Variants in SRCIN1 observed in about 807,000 individuals in gnomAD.
SRCIN1 encodes P130Cas-associated protein.
A neutral mutation model predicts 116.2 loss-of-function variants in SRCIN1; 50 were observed. That is an observed-to-expected ratio of 0.43 (90% CI 0.34 to 0.54). SRCIN1 has a LOEUF of 0.54. Among genes scored for constraint, SRCIN1 ranks in the 20% least tolerant of loss-of-function variants. The pLI, the probability that SRCIN1 is intolerant of heterozygous loss-of-function variation, is 0.02. For synonymous variants in SRCIN1, 736 were observed against 750.0 expected (o/e 0.98, Z 0.30); for missense variants, 1,446 against 1,672.0 (o/e 0.86, Z 2.36).
chr17:38,539,957 G>A (rs1904623049), intron 18 of SRCIN1, among the ~76,000 whole-genome samples: 1 of 144,948 alleles, frequency 6.9e-6, no homozygotes, highest in African/African-American at 2.6e-5. Context: ...GGAGGCAGAG[G>A]TTGCCGTGAG....
rs1184556611 is a variant in SRCIN1 at position 38,533,338 on chromosome 17, A to G, written c.3511T>C (p.Leu1171=). The change falls in exon 19 of 19, where the codon TTG becomes CTG. Residue 1171 remains leucine (L), a synonymous_variant. Coordinates refer to ENST00000617146, the MANE Select transcript of SRCIN1 (RefSeq NM_025248.3). ...GAATTCCTTGCCCCAAAGGAAGTCA[A>G]TACAGGGATAGAGGTTCTGGAAGCC... ...PSASRTSIPV[L]TSFGARNSSI... The G allele has an allele frequency of 6.3e-7, 1 of 1,598,752 alleles. No individual in the cohort carries two copies. Among genetic ancestry groups the G allele is most frequent in the Admixed American group, 1.7e-5 (1 of 57,282 alleles).
intron 1 of SRCIN1, among the ~76,000 whole-genome samples, chr17:38,603,587 C>T (rs1474597412): frequency 2.0e-5 from 3 of 152,070 alleles, no homozygotes; most frequent in African/African-American, 4.8e-5. Flanking sequence ...AACCAGCCAT[C>T]GTGGAAAGGG....
At chr17:38,603,600 G>A (rs1283348637) in intron 1 of SRCIN1, among the ~76,000 whole-genome samples, 1 of 152,156 alleles carries the variant, frequency 6.6e-6, no homozygotes, top group Non-Finnish European at 1.5e-5. Flanking sequence ...GGAAAGGGCA[G>A]AAGAAGCAGG....
intron 16 of SRCIN1, 39 bp from the exon 17 acceptor site, chr17:38,548,748 C>T (rs1905215205): frequency 6.5e-7 from 1 of 1,527,312 alleles, no homozygotes; most frequent in South Asian, 1.3e-5. Flanking sequence ...CAGGCTCTGC[C>T]CCACTTCAGC....
chr17:38,582,935 G>T (rs1319724664), intron 1 of SRCIN1, among the ~76,000 whole-genome samples: 1 of 151,884 alleles, frequency 6.6e-6, no homozygotes, highest in East Asian at 1.9e-4. Context: ...CAGCCTCCTG[G>T]GGGGGCTCTG....
chr17:38,561,781 A>G lies in SRCIN1; in HGVS notation c.1382T>C (p.Leu461Pro), dbSNP rs1439826162. Residue 461 changes from leucine (L) to proline (P), a missense_variant, in exon 7 of 19, where the codon CTG becomes CCG. This residue lies in a region of SRCIN1 where 398 missense variants were observed against 385.6 expected (regional missense o/e 1.03). Coordinates refer to ENST00000617146, the MANE Select transcript of SRCIN1 (RefSeq NM_025248.3). ...LYKAAGGGGP[L>P]YGDGYGFRLP... ...GCGGAAGCCGTAGCCGTCGCCGTAC[A>G]GCGGGCCGCCGCCGCCCGCCGCCTT... 9 of 1,489,144 alleles carry G rather than the reference A, an allele frequency of 6.0e-6. No homozygotes were observed. In the East Asian group the frequency reaches 2.4e-4, roughly 39 times the overall value. The allele number at this position is 1,489,144 out of a possible 1,614,324, so 92.2% of individuals were successfully genotyped here.
chr17:38,533,207 AGGGTG>A lies in SRCIN1; in HGVS notation c.*85_*89del. ...ACACCCCTCAGGGCGTCTGGAGAGT[AGGGTG>A]GGGTGGGGTGGAGATGAAGGAAGAG... On this transcript the variant is annotated 3_prime_UTR_variant, in exon 19 of 19. Coordinates refer to ENST00000617146, the MANE Select transcript of SRCIN1 (RefSeq NM_025248.3). The A allele has an allele frequency of 6.6e-6, 9 of 1,366,588 alleles. No homozygotes were observed. In the South Asian group the frequency reaches 1.3e-4, roughly 20 times the overall value. 84.7% of individuals were successfully genotyped at this position (1,366,588 alleles called of 1,614,324 possible).
chr17:38,546,497 G>T (rs1397303976), intron 17 of SRCIN1: 1 of 152,326 alleles, frequency 6.6e-6, no homozygotes, highest in Non-Finnish European at 1.5e-5. Flanking sequence ...AGGCAGAGAG[G>T]GCAACCTCAC....
rs1020033642 is a variant in SRCIN1, at chr17:38,558,334, C to T, written c.2094G>A (p.Ser698=). 6.2e-7 allele frequency: 1 copy of T among 1,609,884 alleles called. No homozygotes were observed. The highest frequency in any genetic ancestry group is 8.5e-7 in the Non-Finnish European group (1 of 1,179,514). The change falls in exon 11 of 19, where the codon TCG becomes TCA. Residue 698 remains serine (S), a synonymous_variant. Transcript: ENST00000617146. The surrounding 1 kb of genome is among the most constrained non-coding windows in gnomAD (Gnocchi z 4.6). ...RTEAELSMRV[S]EAARRQEDPL... ...GGTCCTCCTGCCGCCGCGCCGCCTC[C>T]GACACGCGCATGCTCAGCTCTGCCT...
At chr17:38,550,978 C>A (rs932966105) in intron 15 of SRCIN1, among the ~76,000 whole-genome samples, 177 bp downstream of exon 15, 1 of 152,244 alleles carries the variant, frequency 6.6e-6, no homozygotes, top group Non-Finnish European at 1.5e-5. Context: ...GTCCAGCTTG[C>A]CCTGTCCTTC....
At chr17:38,584,581 T>C (rs757434773) in intron 1 of SRCIN1, among the ~76,000 whole-genome samples, 6 of 152,172 alleles carry the variant, frequency 3.9e-5, no homozygotes, top group Non-Finnish European at 8.8e-5. Flanking sequence ...AAGAGTGACG[T>C]TGTCATTTGT....
chr17:38,548,462 A>G, intron 17 of SRCIN1, 95 bp downstream of exon 17: 5 of 1,496,068 alleles, frequency 3.3e-6, no homozygotes, highest in Non-Finnish European at 4.6e-6. Flanking sequence ...CCGAGAGCCC[A>G]TCTTCTGCCT....
At chr17:38,590,751 G>T (rs1477537189) in intron 1 of SRCIN1, among the ~76,000 whole-genome samples, 1 of 143,642 alleles carries the variant, frequency 7.0e-6, no homozygotes, top group Non-Finnish European at 1.5e-5. Flanking sequence ...TAGCCCATTA[G>T]CCCATGTCCT....
rs1191528059 is a variant in SRCIN1 at position 38,564,230 on chromosome 17, C to A, written c.429G>T (p.Ser143=). 1.3e-6 allele frequency: 2 copies of A among 1,580,542 alleles called. No homozygotes were observed. The highest frequency in any genetic ancestry group is 1.7e-6 in the Non-Finnish European group (2 of 1,164,774). ...AAKLSYASAE[S]LETMSEAELP... ...GCTCGGCCTCCGACATGGTCTCCAG[C>A]GACTCGGCGGAGGCGTAGGACAGCT... Residue 143 remains serine, a synonymous_variant, in exon 4 of 19, where the codon TCG becomes TCT. Transcript: ENST00000617146.
chr17:38,599,137 G>A (rs1163278360), intron 1 of SRCIN1, among the ~76,000 whole-genome samples: 1 of 152,014 alleles, frequency 6.6e-6, no homozygotes, highest in Non-Finnish European at 1.5e-5. Context: ...CAAGGGAGAG[G>A]AGGTAGAGAG....
chr17:38,564,097 G>A lies in SRCIN1; in HGVS notation c.541+21C>T, dbSNP rs1181290220. On this transcript the variant is annotated intron_variant, in intron 4 of 18. Transcript: ENST00000617146. ...GGGAGGAGCCTGTGTGGGGAGGGAG[G>A]GTGGACTGGGCGGGCAGTACCTGGG... 5.7e-6 allele frequency: 9 copies of A among 1,584,904 alleles called. 1 individual carries two copies. The South Asian group carries it at 1.0e-4, about 18-fold the overall frequency.
Position 38,558,299 on chromosome 17 carries a change from C to T in SRCIN1, c.2129G>A (p.Arg710Gln). Residue 710 changes from arginine (R) to glutamine (Q), a missense_variant, in exon 11 of 19, where the codon CGG (arginine) becomes CAG (glutamine). Arg to Gln is a conservative substitution (Grantham distance 43). This residue lies in a region of SRCIN1 where 398 missense variants were observed against 385.6 expected (regional missense o/e 1.03). Transcript: ENST00000617146. The surrounding 1 kb of genome is among the most constrained non-coding windows in gnomAD (Gnocchi z 4.6). ...AARRQEDPLQ[R>Q]QRTLVEEERL... is the part of the protein sequence containing the mutation. ...TTCCTCTTCCACCAGGGTGCGCTGCCGCTGCAGCGGGTCCTCCTGCCGCCG... is the reference window on the plus strand; with the variant it reads ...TTCCTCTTCCACCAGGGTGCGCTGCTGCTGCAGCGGGTCCTCCTGCCGCCG... 3 of 1,611,960 alleles carry T rather than the reference C, an allele frequency of 1.9e-6. No individual in the cohort carries two copies. The highest frequency in any genetic ancestry group is 2.5e-6 in the Non-Finnish European group (3 of 1,179,648).
chr17:38,538,139 G>A (rs1405588260), intron 18 of SRCIN1, among the ~76,000 whole-genome samples: 1 of 148,992 alleles, frequency 6.7e-6, no homozygotes, highest in Non-Finnish European at 1.5e-5. Flanking sequence ...AAATAAAATA[G>A]GCCGGGTGTG....
At chr17:38,535,977 G>A (rs1904355701) in intron 18 of SRCIN1, among the ~76,000 whole-genome samples, 1 of 152,106 alleles carries the variant, frequency 6.6e-6, no homozygotes, top group Non-Finnish European at 1.5e-5. Flanking sequence ...TTGGTCTTGG[G>A]AACACTTGTC....
Sources: gnomAD v4.1 joint callset for allele counts (sites outside exome capture counted in the v4.1 genomes callset) on GRCh38, gnomAD v4.1.1 for gene constraint, gnomAD v4.1.1 regional missense constraint, Gnocchi (gnomAD v3.1) non-coding constraint, MANE v1.5 for transcripts, NCBI Gene and HGNC (gene_info 2026-07-23, HGNC 2026-07-21) for gene names.